Variants in ADAMTSL1 observed in about 807,000 individuals in gnomAD.
ADAMTSL1 encodes the protein ADAMTS like 1.
A neutral mutation model predicts 201.8 loss-of-function variants in ADAMTSL1; 126 were observed. The observed-to-expected ratio is 0.62, with a 90% CI of 0.54 to 0.72. The LOEUF (loss-of-function observed/expected upper bound fraction) is 0.72. Ranked by LOEUF, ADAMTSL1 falls within the 30% of genes least tolerant of loss-of-function variation. ADAMTSL1 has a pLI of 0.00. For synonymous variants in ADAMTSL1, 1,121 were observed against 903.4 expected (o/e 1.24, Z -4.32); for missense variants, 2,679 against 2,277.8 (o/e 1.18, Z -3.59).
intron 14 of ADAMTSL1, among the ~76,000 whole-genome samples, chr9:18,714,338 T>C (rs868860809): frequency 3.7e-3 from 554 of 151,716 alleles, no homozygotes; most frequent in Non-Finnish European, 6.2e-3. Flanking sequence ...ATCAACAAAA[T>C]TGATAGACCG....
chr9:18,659,828 G>C (rs1587826509), intron 8 of ADAMTSL1, among the ~76,000 whole-genome samples: 1 of 151,998 alleles, frequency 6.6e-6, no homozygotes, highest in African/African-American at 2.4e-5. Flanking sequence ...CAATTACTTT[G>C]ATGTTCCATG....
intron 2 of ADAMTSL1, among the ~76,000 whole-genome samples, chr9:18,291,741 TCTCTCTCACACA>T (rs1277743858): frequency 4.8e-5 from 6 of 124,288 alleles, no homozygotes; most frequent in African/African-American, 1.2e-4. Context: ...TCTCTCTCTC[TCTCTCTCACACA>T]CACACACACA....
At chr9:18,708,889 G>T (rs1832386649) in intron 14 of ADAMTSL1, among the ~76,000 whole-genome samples, 1 of 151,904 alleles carries the variant, frequency 6.6e-6, no homozygotes, top group Admixed American at 6.6e-5. Flanking sequence ...ACCAACCAAG[G>T]GTATAAAATT....
At chr9:18,096,395 C>T (rs1448437868) in intron 1 of ADAMTSL1, among the ~76,000 whole-genome samples, 1 of 152,154 alleles carries the variant, frequency 6.6e-6, no homozygotes, top group Non-Finnish European at 1.5e-5. Flanking sequence ...CCAACATTGT[C>T]TAATGGAACT....
At position 18,906,662 on chromosome 9, in the gene ADAMTSL1, A is replaced by C. The variant is rs73425272; in HGVS notation, c.4962-30A>C. 6.2e-3 allele frequency: 9,337 copies of C among 1,514,204 alleles called. 429 individuals carry two copies. The African/African-American group carries it at 0.1, about 17-fold the overall frequency. The allele number at this position is 1,514,204 out of a possible 1,614,324, so 93.8% of individuals were successfully genotyped here. On this transcript the variant is annotated intron_variant, in intron 27 of 28. Coordinates refer to ENST00000380548, the MANE Select transcript of ADAMTSL1 (RefSeq NM_001040272.6). ...CCCTGATTCAGCCCCCACAGAAGCA[A>C]ACCTTAACCCTGCCACCATCCTCCT...
chr9:18,415,256 T>C (rs1818624014), intron 2 of ADAMTSL1, among the ~76,000 whole-genome samples: 1 of 152,150 alleles, frequency 6.6e-6, no homozygotes, highest in African/African-American at 2.4e-5. Flanking sequence ...ACCCCAGAAT[T>C]GTCACAGATG....
intron 1 of ADAMTSL1, among the ~76,000 whole-genome samples, chr9:18,107,293 T>A (rs527536512): frequency 6.6e-6 from 1 of 152,324 alleles, no homozygotes; most frequent in East Asian, 1.9e-4. Flanking sequence ...CAGTTTTACA[T>A]TGATGGGCTC....
chr9:18,898,521 A>G (rs966560118), intron 26 of ADAMTSL1, among the ~76,000 whole-genome samples: 10 of 152,230 alleles, frequency 6.6e-5, no homozygotes, highest in Non-Finnish European at 2.9e-5. Flanking sequence ...GGGACTATGT[A>G]AAAAGACCAA....
At chr9:18,799,458 T>G (rs1232633142) in intron 20 of ADAMTSL1, among the ~76,000 whole-genome samples, 1 of 152,226 alleles carries the variant, frequency 6.6e-6, no homozygotes, top group Non-Finnish European at 1.5e-5. Flanking sequence ...TGCTTCAGTC[T>G]GGATCCGTGG....
intron 1 of ADAMTSL1, among the ~76,000 whole-genome samples, chr9:18,071,433 A>G (rs527609021): frequency 6.6e-6 from 1 of 152,346 alleles, no homozygotes; most frequent in South Asian, 2.1e-4. Flanking sequence ...GTGAAGAAAT[A>G]GTTAAAGGAA....
intron 2 of ADAMTSL1, among the ~76,000 whole-genome samples, chr9:18,324,555 G>A (rs988658958): frequency 3.1e-4 from 47 of 151,868 alleles, no homozygotes; most frequent in African/African-American, 1.1e-3. Flanking sequence ...ACCTGAGGTT[G>A]GGAGTTTGAA....
At chr9:18,529,167 C>T (rs1380752036) in intron 2 of ADAMTSL1, among the ~76,000 whole-genome samples, 1 of 152,118 alleles carries the variant, frequency 6.6e-6, no homozygotes, top group Non-Finnish European at 1.5e-5. Flanking sequence ...ATATAAGCTT[C>T]TCTGCACTGA....
chr9:18,178,391 C>T (rs1341772513), intron 2 of ADAMTSL1, among the ~76,000 whole-genome samples: 1 of 152,210 alleles, frequency 6.6e-6, no homozygotes, highest in East Asian at 1.9e-4. Flanking sequence ...CATGGAGTCT[C>T]GCTGATTGCT....
intron 20 of ADAMTSL1, among the ~76,000 whole-genome samples, chr9:18,815,876 A>G (rs1823816363): frequency 6.6e-6 from 1 of 152,160 alleles, no homozygotes; most frequent in Non-Finnish European, 1.5e-5. Flanking sequence ...TCATTGACAC[A>G]TAATAATTGT....
chr9:18,279,608 T>G (rs1832708357), intron 2 of ADAMTSL1, among the ~76,000 whole-genome samples: 1 of 151,830 alleles, frequency 6.6e-6, no homozygotes, highest in Non-Finnish European at 1.5e-5. Context: ...AGTGAAAAAA[T>G]AAGTCACTAG....
chr9:18,887,868 C>G lies in ADAMTSL1; in HGVS notation c.4287C>G (p.Thr1429=). Residue 1429 remains threonine, a synonymous_variant, in exon 24 of 29, where the codon ACC becomes ACG. Coordinates refer to ENST00000380548, the MANE Select transcript of ADAMTSL1 (RefSeq NM_001040272.6). Reference sequence around the variant, plus strand: ...AAGGTCACCCTGTCCCTAATATCACCTGGTTTCATGGTGGTCAGCCAATTG... The same window carrying G: ...AAGGTCACCCTGTCCCTAATATCACGTGGTTTCATGGTGGTCAGCCAATTG... ...PIKGHPVPNI[T]WFHGGQPIVT... is the part of the protein sequence containing the mutation. The G allele has an allele frequency of 1.9e-6, 3 of 1,613,972 alleles. No individual in the cohort carries two copies. The highest frequency in any genetic ancestry group is 2.5e-6 in the Non-Finnish European group (3 of 1,179,892).
intron 23 of ADAMTSL1, among the ~76,000 whole-genome samples, chr9:18,846,017 G>A (rs973173412): frequency 3.3e-5 from 5 of 152,206 alleles, no homozygotes; most frequent in African/African-American, 1.2e-4. Flanking sequence ...TATTCAAGAA[G>A]TATTTACCAA....
At chr9:18,250,087 T>C (rs1831406664) in intron 2 of ADAMTSL1, among the ~76,000 whole-genome samples, 1 of 152,258 alleles carries the variant, frequency 6.6e-6, no homozygotes, top group Admixed American at 6.5e-5. Flanking sequence ...GTTATCAGTG[T>C]AGTTTACATG....
chr9:17,940,812 C>CCCA (rs1554667527), intron 1 of ADAMTSL1, among the ~76,000 whole-genome samples: 5 of 20,288 alleles, frequency 2.5e-4, no homozygotes, highest in Non-Finnish European at 3.7e-4. Context: ...ACCCCCCCCC[C>CCCA]AAAAAAAAGA....
Sources: gnomAD v4.1 joint callset for allele counts (sites outside exome capture counted in the v4.1 genomes callset) on GRCh38, gnomAD v4.1.1 for gene constraint, MANE v1.5 for transcripts, NCBI Gene and HGNC (gene_info 2026-07-23, HGNC 2026-07-21) for gene names.